The following KIAA1549 variants were observed in gnomAD, a reference collection of about 807,000 sequenced individuals.
KIAA1549 encodes the protein UPF0606 protein KIAA1549.
A neutral mutation model predicts 156.4 loss-of-function variants in KIAA1549; 70 were observed. That is an observed-to-expected ratio of 0.45 (90% CI 0.37 to 0.55). The LOEUF is 0.55. KIAA1549 is among the 20% of genes least tolerant of loss of function. KIAA1549 has a pLI of 0.00. For missense variants in KIAA1549, 2,428 were observed against 2,540.9 expected, an observed-to-expected ratio of 0.96 and a Z score of 0.96; for synonymous variants, 1,103 against 1,066.4, an observed-to-expected ratio of 1.03 and a Z score of -0.67.
Position 138,918,284 on chromosome 7 carries a change from C to A in KIAA1549, c.1342G>T (p.Ala448Ser), listed in dbSNP as rs1366396878. 16 of 1,613,886 alleles carry A rather than the reference C, an allele frequency of 9.9e-6. No homozygotes were observed. Among genetic ancestry groups the A allele is most frequent in the African/African-American group, 2.7e-5 (2 of 74,922 alleles). Residue 448 changes from alanine (A) to serine (S), a missense_variant, in exon 2 of 20, where the codon GCC becomes TCC. Physicochemically the swap from Ala to Ser is moderately conservative, Grantham distance 99. Around this residue, in one of 5 missense-constraint regions of KIAA1549, gnomAD observed 893 missense variants for 847.9 expected, o/e 1.05. Transcript: ENST00000422774. This position sits in a 1 kb window ranked among gnomAD's most constrained non-coding sequence, Gnocchi z 4.2. The stretch of plus-strand genomic sequence containing the variant: ...AGCACGGTCATGCACAGAGTCTCGG[C>A]ACCATCCCCTGATCCCACGTCTTTC... Reference protein sequence around the residue: ...MEKDVGSGDGAETLCMTVLEE... With the variant: ...MEKDVGSGDGSETLCMTVLEE...
chr7:138,973,909 G>A (rs1467497351), intron 1 of KIAA1549, among the ~76,000 whole-genome samples: 1 of 152,216 alleles, frequency 6.6e-6, no homozygotes, highest in Non-Finnish European at 1.5e-5. Flanking sequence ...CTTCCAAAGT[G>A]CTAGGAACAC....
At chr7:138,923,983 T>C (rs1395841909) in intron 1 of KIAA1549, among the ~76,000 whole-genome samples, 2 of 152,210 alleles carry the variant, frequency 1.3e-5, no homozygotes, top group African/African-American at 2.4e-5. Flanking sequence ...AATGAATAAA[T>C]AATACAAAGA....
intron 1 of KIAA1549, among the ~76,000 whole-genome samples, chr7:138,941,446 TAAG>T (rs1223729054): frequency 2.0e-5 from 3 of 152,192 alleles, no homozygotes; most frequent in African/African-American, 7.2e-5. Context: ...AAGAACAGAT[TAAG>T]AAGTACTAAA....
intron 17 of KIAA1549, among the ~76,000 whole-genome samples, chr7:138,851,109 T>C (rs1810219761): frequency 6.6e-6 from 1 of 152,210 alleles, no homozygotes; most frequent in Admixed American, 6.5e-5. Flanking sequence ...CAAATACATT[T>C]TTTAAAAATC....
At chr7:138,887,032 G>T (rs1210264471) in intron 10 of KIAA1549, among the ~76,000 whole-genome samples, 1 of 151,972 alleles carries the variant, frequency 6.6e-6, no homozygotes, top group African/African-American at 2.4e-5. Flanking sequence ...CTCCCAACTA[G>T]CTGGGACTAC....
At chr7:138,977,660 A>ACACACACACACG (rs1406024474) in intron 1 of KIAA1549, among the ~76,000 whole-genome samples, 2 of 147,404 alleles carry the variant, frequency 1.4e-5, no homozygotes, top group African/African-American at 5.3e-5. Flanking sequence ...AAGAAAACAC[A>ACACACACACACG]CACACACACA....
At chr7:138,897,459 T>C (rs754281899) in intron 9 of KIAA1549, among the ~76,000 whole-genome samples, 4 of 152,232 alleles carry the variant, frequency 2.6e-5, no homozygotes, top group Non-Finnish European at 5.9e-5. Context: ...AAATTGTCTT[T>C]ATCTCCTACA....
intron 1 of KIAA1549, among the ~76,000 whole-genome samples, chr7:138,943,622 G>A (rs1813250032): frequency 6.6e-6 from 1 of 152,100 alleles, no homozygotes; most frequent in African/African-American, 2.4e-5. Context: ...GGCCAAGGCG[G>A]GTGGATCACA....
chr7:138,874,183 A>C (rs1481791200), intron 12 of KIAA1549, among the ~76,000 whole-genome samples: 1 of 151,396 alleles, frequency 6.6e-6, no homozygotes, highest in East Asian at 1.9e-4. Flanking sequence ...AGTACAAAGC[A>C]CAATGGACAC....
intron 16 of KIAA1549, among the ~76,000 whole-genome samples, chr7:138,860,869 T>C (rs1810550468): frequency 6.6e-6 from 1 of 151,836 alleles, no homozygotes; most frequent in South Asian, 2.1e-4. Flanking sequence ...TTCCATAAAA[T>C]CCCCCTCCGT....
At chr7:138,871,428 T>C (rs1810935824) in intron 12 of KIAA1549, 66 bp from the exon 13 acceptor site, 1 of 1,353,116 alleles carries the variant, frequency 7.4e-7, no homozygotes, top group East Asian at 2.5e-5. Flanking sequence ...CTAATCAAAA[T>C]TGTGAATTAT....
chr7:138,979,672 G>C (rs1270674154), intron 1 of KIAA1549, among the ~76,000 whole-genome samples: 1 of 152,208 alleles, frequency 6.6e-6, no homozygotes, highest in Non-Finnish European at 1.5e-5. Context: ...TTCTCCTCTG[G>C]ACACACAGGG....
In KIAA1549 at chr7:138,911,128, T is replaced by C; in HGVS notation, c.3145+18A>G. 6.8e-7 allele frequency: 1 copy of C among 1,462,498 alleles called. No individual in the cohort carries two copies. The highest frequency in any genetic ancestry group is 9.1e-7 in the Non-Finnish European group (1 of 1,097,776). 90.6% of individuals were successfully genotyped at this position (1,462,498 alleles called of 1,614,324 possible). ...AATTCTTTTTACAAATAAAAACAAC[T>C]ATGCTGAGCTGTCTCACCTGTTTGA... On this transcript the variant is annotated intron_variant, in intron 4 of 19. Transcript: ENST00000422774.
chr7:138,898,866 T>A, intron 9 of KIAA1549, 89 bp downstream of exon 9: 1 of 1,133,596 alleles, frequency 8.8e-7, no homozygotes, highest in South Asian at 1.3e-5. Context: ...CACATCGGAA[T>A]GCTTTACATT....
chr7:138,916,930 G>T lies in KIAA1549; in HGVS notation c.2696C>A (p.Thr899Asn), dbSNP rs1812340458. The T allele has an allele frequency of 6.2e-7, 1 of 1,611,224 alleles. No homozygotes were observed. Among genetic ancestry groups the T allele is most frequent in the African/African-American group, 1.3e-5 (1 of 75,020 alleles). ...GAATGGPLDS[T>N]LMGDAASQSP... ...CTGACTTGCGGCGTCACCCATCAGG[G>T]TGGAGTCGAGGGGACCACCAGTGGC... The change falls in exon 2 of 20, where the codon ACC (threonine) becomes AAC (asparagine). Residue 899 changes from threonine (T) to asparagine (N), a missense_variant. Physicochemically the swap from Thr to Asn is moderately conservative, Grantham distance 65. This residue lies in a region of KIAA1549 where 762 missense variants were observed against 901.6 expected (regional missense o/e 0.85). Coordinates refer to ENST00000422774, the MANE Select transcript of KIAA1549 (RefSeq NM_001164665.2).
chr7:138,961,679 T>A (rs1001930061), intron 1 of KIAA1549, among the ~76,000 whole-genome samples: 5 of 151,756 alleles, frequency 3.3e-5, no homozygotes. Flanking sequence ...GATGCCACTA[T>A]CAAAAAGAAA....
At chr7:138,847,862 T>A (rs1453720918) in intron 17 of KIAA1549, among the ~76,000 whole-genome samples, 2 of 152,246 alleles carry the variant, frequency 1.3e-5, no homozygotes, top group Admixed American at 1.3e-4. Context: ...TACTGAGTTG[T>A]CCAATCTGTG....
rs1302762408 is a variant in KIAA1549 at position 138,832,702 on chromosome 7, T to G, written c.*5204A>C. ...AGGCATTTAATATTCTTTTCCTAAATTTCAATGCTGCTGTGTTTTAAGATA... is the reference window on the plus strand; with the variant it reads ...AGGCATTTAATATTCTTTTCCTAAAGTTCAATGCTGCTGTGTTTTAAGATA... On this transcript the variant is annotated 3_prime_UTR_variant, in exon 20 of 20. Coordinates refer to ENST00000422774, the MANE Select transcript of KIAA1549 (RefSeq NM_001164665.2). 12 of 217,898 alleles carry G rather than the reference T, an allele frequency of 5.5e-5. No homozygotes were observed. The highest frequency in any genetic ancestry group is 9.2e-5 in the Non-Finnish European group (10 of 108,606). The allele number at this position is 217,898 out of a possible 1,614,324, so 13.5% of individuals were successfully genotyped here. A position where few individuals can be genotyped will look rare whatever the true frequency, so the allele number is the denominator to read the frequency against.
Position 138,919,557 on chromosome 7 carries a change from G to A in KIAA1549, c.188-119C>T, listed in dbSNP as rs188166684. ...ACATCCATTCACCATAAATATCCAT[G>A]AATCACCGTCAGAAGTTAAACAGCT... On this transcript the variant is annotated intron_variant, in intron 1 of 19. Coordinates refer to ENST00000422774, the MANE Select transcript of KIAA1549 (RefSeq NM_001164665.2). 1.0e-5 allele frequency: 15 copies of A among 1,478,974 alleles called. No individual in the cohort carries two copies. The African/African-American group carries it at 1.3e-4, about 12-fold the overall frequency. The allele number at this position is 1,478,974 out of a possible 1,614,324, so 91.6% of individuals were successfully genotyped here.
Sources: gnomAD v4.1 joint callset for allele counts (sites outside exome capture counted in the v4.1 genomes callset) on GRCh38, gnomAD v4.1.1 for gene constraint, gnomAD v4.1.1 regional missense constraint, Gnocchi (gnomAD v3.1) non-coding constraint, MANE v1.5 for transcripts, NCBI Gene and HGNC (gene_info 2026-07-23, HGNC 2026-07-21) for gene names.